ZDHHC14: variants seen among roughly 807,000 people sequenced by gnomAD.
ZDHHC14 encodes the protein palmitoyltransferase ZDHHC14.
A neutral mutation model predicts 47.7 loss-of-function variants in ZDHHC14; 16 were observed. That is an observed-to-expected ratio of 0.34 (90% confidence interval 0.23 to 0.51). The LOEUF (loss-of-function observed/expected upper bound fraction) is 0.51, where lower values mean the gene tolerates loss of function less well. Among genes scored for constraint, ZDHHC14 ranks in the 20% least tolerant of loss-of-function variants. The pLI is 0.97. For synonymous variants in ZDHHC14, 293 were observed against 278.9 expected (o/e 1.05, Z -0.50); for missense variants, 515 against 662.5 (o/e 0.78, Z 2.44).
chr6:157,413,122 G>C (rs1042047215), intron 1 of ZDHHC14, among the ~76,000 whole-genome samples: 1 of 152,140 alleles, frequency 6.6e-6, no homozygotes, highest in Non-Finnish European at 1.5e-5. Context: ...CCATAGAAGC[G>C]TCTAAAGTGC....
At chr6:157,645,273 T>A (rs1777465431) in intron 5 of ZDHHC14, among the ~76,000 whole-genome samples, 1 of 152,174 alleles carries the variant, frequency 6.6e-6, no homozygotes. Context: ...CTGTTGGCAC[T>A]GCAGTCCTCA....
intron 1 of ZDHHC14, among the ~76,000 whole-genome samples, chr6:157,419,067 T>C (rs1778044808): frequency 6.6e-6 from 1 of 152,208 alleles, no homozygotes; most frequent in African/African-American, 2.4e-5. Flanking sequence ...AGGCTTGGAA[T>C]AGGACTGGGG....
At chr6:157,632,738 G>A in intron 4 of ZDHHC14, 96 bp from the exon 5 acceptor site, 2 of 1,159,342 alleles carry the variant, frequency 1.7e-6, no homozygotes, top group Non-Finnish European at 2.6e-6. Flanking sequence ...TTATTTCATT[G>A]ATCTTTAGCC....
chr6:157,532,630 G>A (rs1374728510), intron 1 of ZDHHC14, among the ~76,000 whole-genome samples: 5 of 152,328 alleles, frequency 3.3e-5, no homozygotes, highest in South Asian at 4.1e-4. Flanking sequence ...AAGGATGACA[G>A]AAGAACTTTC....
chr6:157,408,164 G>T (rs547005069), intron 1 of ZDHHC14, among the ~76,000 whole-genome samples: 7 of 152,106 alleles, frequency 4.6e-5, no homozygotes, highest in African/African-American at 7.2e-5. Flanking sequence ...AATAGAAACC[G>T]CCCAAATAAC....
intron 1 of ZDHHC14, among the ~76,000 whole-genome samples, chr6:157,469,223 A>G (rs1779297337): frequency 6.6e-6 from 1 of 152,174 alleles, no homozygotes; most frequent in African/African-American, 2.4e-5. Flanking sequence ...TCCTATCCCC[A>G]AACACAGCTC....
chr6:157,584,188 G>A (rs1055473317), intron 2 of ZDHHC14, among the ~76,000 whole-genome samples: 1 of 152,188 alleles, frequency 6.6e-6, no homozygotes, highest in Non-Finnish European at 1.5e-5. Flanking sequence ...TGGTCTGGAT[G>A]GGAGTGAACA....
intron 2 of ZDHHC14, among the ~76,000 whole-genome samples, chr6:157,555,674 C>T (rs1319115872): frequency 6.6e-6 from 1 of 152,176 alleles, no homozygotes; most frequent in Non-Finnish European, 1.5e-5. Context: ...GCAGCATCAA[C>T]AAGGACAGAT....
intron 2 of ZDHHC14, among the ~76,000 whole-genome samples, chr6:157,553,247 G>T (rs1461231682): frequency 1.3e-5 from 2 of 152,144 alleles, no homozygotes; most frequent in Non-Finnish European, 2.9e-5. Flanking sequence ...CCATTGAGTA[G>T]CAAAGGGGAT....
chr6:157,606,626 G>T (rs754316512), intron 3 of ZDHHC14, among the ~76,000 whole-genome samples: 6 of 152,202 alleles, frequency 3.9e-5, no homozygotes, highest in Non-Finnish European at 8.8e-5. Flanking sequence ...CCAAGAAGCC[G>T]GGTGGGTGAT....
chr6:157,665,871 AG>A (rs1317690873), intron 8 of ZDHHC14, among the ~76,000 whole-genome samples: 2 of 152,190 alleles, frequency 1.3e-5, no homozygotes, highest in African/African-American at 4.8e-5. Flanking sequence ...TGACATCTAA[AG>A]CAATAATGTG....
chr6:157,425,335 C>T (rs966094891), intron 1 of ZDHHC14, among the ~76,000 whole-genome samples: 6 of 152,154 alleles, frequency 3.9e-5, no homozygotes, highest in Non-Finnish European at 8.8e-5. Context: ...ACTGAATTCT[C>T]TTATGGTTTG....
chr6:157,575,545 G>A (rs949506483), intron 2 of ZDHHC14, among the ~76,000 whole-genome samples: 1 of 151,978 alleles, frequency 6.6e-6, no homozygotes. Context: ...TCCTGTCCTG[G>A]GACCAGGACA....
chr6:157,619,210 G>A (rs1319943114), intron 3 of ZDHHC14, among the ~76,000 whole-genome samples: 11 of 149,214 alleles, frequency 7.4e-5, no homozygotes, highest in East Asian at 1.9e-4. Flanking sequence ...GTGAAACGCC[G>A]TCTCTACTAA....
chr6:157,430,843 A>G (rs976333833), intron 1 of ZDHHC14, among the ~76,000 whole-genome samples: 1 of 152,264 alleles, frequency 6.6e-6, no homozygotes, highest in Admixed American at 6.5e-5. Flanking sequence ...TGTGGCATAC[A>G]GTAGGGCTGG....
intron 2 of ZDHHC14, among the ~76,000 whole-genome samples, chr6:157,562,174 A>G (rs1261406907): frequency 6.6e-6 from 1 of 152,052 alleles, no homozygotes; most frequent in Non-Finnish European, 1.5e-5. Context: ...GGCTGTGGGG[A>G]CCTGCAGTAG....
chr6:157,573,504 A>G (rs1409983278), intron 2 of ZDHHC14, among the ~76,000 whole-genome samples: 2 of 152,192 alleles, frequency 1.3e-5, no homozygotes, highest in Admixed American at 1.3e-4. Flanking sequence ...TATGCGGGAC[A>G]TGCCCCAGGG....
intron 2 of ZDHHC14, among the ~76,000 whole-genome samples, chr6:157,552,202 T>C (rs1330087909): frequency 1.3e-5 from 2 of 152,118 alleles, no homozygotes; most frequent in East Asian, 3.9e-4. Context: ...TCATTAGTAG[T>C]GTAACTGGCG....
At chr6:157,512,023 G>A (rs755936256) in intron 1 of ZDHHC14, among the ~76,000 whole-genome samples, 4 of 152,172 alleles carry the variant, frequency 2.6e-5, no homozygotes, top group South Asian at 4.1e-4. Flanking sequence ...GAACTGGAAC[G>A]GTGAAGAAGG....
Sources: allele counts gnomAD v4.1 joint callset (sites outside exome capture counted in the v4.1 genomes callset), GRCh38; gene constraint gnomAD v4.1.1; transcripts MANE v1.5; gene names NCBI Gene and HGNC (gene_info 2026-07-23, HGNC 2026-07-21).